Variants in PYY observed in about 807,000 individuals in gnomAD.
The protein encoded by PYY is peptide tyrosine tyrosine.
Under a neutral mutation model 10.3 loss-of-function variants are expected in PYY, and 12 were observed. The observed-to-expected ratio is 1.17, with a 90% confidence interval of 0.75 to 1.89. PYY has a LOEUF of 1.89. Ranked by LOEUF, PYY falls within the 40% of genes most tolerant of loss-of-function variation. PYY has a pLI of 0.00. For missense variants in PYY, 141 were observed against 134.0 expected (o/e 1.05, Z -0.26); for synonymous variants, 66 against 62.0 (o/e 1.06, Z -0.30).
At chr17:43,983,136 G>T (rs570264840) in intron 1 of PYY, among the ~76,000 whole-genome samples, 1 of 152,338 alleles carries the variant, frequency 6.6e-6, no homozygotes, top group Admixed American at 6.5e-5. Context: ...GGTGGCTGAG[G>T]CAGGAGAATT....
chr17:43,983,246 A>C lies in PYY; in HGVS notation c.-462-16714T>G, dbSNP rs377705954. On this transcript the variant is annotated intron_variant, in intron 1 of 6. Coordinates refer to the PYY transcript ENST00000360085. The stretch of plus-strand genomic sequence containing the variant: ...TGCTGTCTTAAAACAAACAAACAAA[A>C]AACAACAACAACAACAACAACAAAA... Among the ~76,000 whole-genome samples the C allele has an allele frequency of 2.6e-4, 40 of 152,054 alleles. 1 individual carries two copies. The highest frequency in any genetic ancestry group is 8.4e-4 in the African/African-American group (35 of 41,472).
chr17:43,953,474 C>T lies in PYY; in HGVS notation c.10G>A (p.Val4Met), dbSNP rs754534017. The part of the protein sequence containing the change: MVF[V>M]RRPWPALTTV... ...GTCAAGGCGGGCCACGGCCTGCGCA[C>T]GAACACCATCTGGGAAGGCGACATT... Residue 4 changes from valine to methionine, a missense_variant, in exon 2 of 4, where the codon GTG becomes ATG. Val to Met is a conservative substitution (Grantham distance 21). Coordinates refer to ENST00000692052, the MANE Select transcript of PYY (RefSeq NM_001394028.1). 6.3e-7 allele frequency: 1 copy of T among 1,597,194 alleles called. No homozygotes were observed. Among genetic ancestry groups the T allele is most frequent in the Non-Finnish European group, 8.5e-7 (1 of 1,170,270 alleles).
chr17:43,982,644 G>A (rs1000986499), intron 1 of PYY, among the ~76,000 whole-genome samples: 6 of 152,238 alleles, frequency 3.9e-5, no homozygotes, highest in African/African-American at 1.4e-4. Context: ...AGGAACAGTC[G>A]TGACTGGACA....
intron 1 of PYY, among the ~76,000 whole-genome samples, chr17:43,968,633 G>A (rs1380363547): frequency 6.6e-6 from 1 of 152,180 alleles, no homozygotes; most frequent in East Asian, 1.9e-4. Flanking sequence ...CCAATGTGGT[G>A]AAACTCTGTC....
chr17:44,003,077 G>A (rs548195118), intron 1 of PYY, among the ~76,000 whole-genome samples: 9 of 151,836 alleles, frequency 5.9e-5, no homozygotes, highest in South Asian at 4.1e-4. Context: ...TCATTCTGTC[G>A]CCCAGACGGG....
intron 1 of PYY, among the ~76,000 whole-genome samples, chr17:43,989,103 G>T (rs1362031548): frequency 2.0e-5 from 3 of 151,642 alleles, no homozygotes; most frequent in Non-Finnish European, 4.4e-5. Context: ...GGCTGGGCGC[G>T]GTGGCTCACG....
chr17:43,962,798 C>T lies in PYY; in HGVS notation c.-218+3490G>A, dbSNP rs143562668. ...GGGGGGCGGCACACAGCTGCTGAAA[C>T]AGCCATCACAGTAGCAGGCGAGGGC... is the stretch of plus-strand genomic sequence containing the variant. On this transcript the variant is annotated intron_variant, in intron 2 of 6. Coordinates refer to the PYY transcript ENST00000360085. 1.2e-3 allele frequency among the ~76,000 whole-genome samples: 178 copies of T among 152,322 alleles called. 1 individual carries two copies. Among genetic ancestry groups the T allele is most frequent in the African/African-American group, 4.0e-3 (165 of 41,582 alleles).
At chr17:43,961,626 C>T (rs1011763988) in intron 2 of PYY, among the ~76,000 whole-genome samples, 9 of 152,080 alleles carry the variant, frequency 5.9e-5, no homozygotes, top group African/African-American at 9.7e-5. Flanking sequence ...CTGCAACCTC[C>T]GCCTCCTGGG....
rs1276935197 is a variant in PYY at position 43,987,768 on chromosome 17, C to A, written c.-463+16623G>T. ...CTGAGCAAAACAGACATGGCATGTG[C>A]CCTCTAAGAGCTTACAGTCCAGCAG... On this transcript the variant is annotated intron_variant, in intron 1 of 6. Transcript: ENST00000360085. The surrounding 1 kb of genome is among the most constrained non-coding windows in gnomAD (Gnocchi z 4.0). 1.3e-5 allele frequency among the ~76,000 whole-genome samples: 2 copies of A among 152,226 alleles called. No individual in the cohort carries two copies. The highest frequency in any genetic ancestry group is 4.8e-5 in the African/African-American group (2 of 41,446).
intron 1 of PYY, among the ~76,000 whole-genome samples, chr17:43,979,759 G>A (rs544796901): frequency 6.6e-6 from 1 of 151,484 alleles, no homozygotes; most frequent in African/African-American, 2.4e-5. Context: ...AGAAATGGGT[G>A]TGGGGGTAGC....
rs2048640637 is a variant in PYY at position 43,952,869 on chromosome 17, G to A, written c.*87C>T. The stretch of plus-strand genomic sequence containing the variant: ...CCCTGCCCAGACGCCGCCGTCGGGA[G>A]GCAGAATCCGGGTTTCTGGGGTCGG... On this transcript the variant is annotated 3_prime_UTR_variant, in exon 4 of 4. Coordinates refer to ENST00000692052, the MANE Select transcript of PYY (RefSeq NM_001394028.1). 9 of 1,404,014 alleles carry A rather than the reference G, an allele frequency of 6.4e-6. No individual in the cohort carries two copies. The South Asian group carries it at 7.4e-5, about 12-fold the overall frequency. 87.0% of individuals were successfully genotyped at this position (1,404,014 alleles called of 1,614,324 possible).
upstream of PYY, among the ~76,000 whole-genome samples, chr17:43,957,096 G>A (rs2048677523): frequency 2.6e-5 from 4 of 151,482 alleles, no homozygotes; most frequent in South Asian, 8.3e-4. Flanking sequence ...TACTCTGGAG[G>A]CTGAAGCAGG....
chr17:43,957,890 AT>A (rs34973899), upstream of PYY: 3,097 of 154,486 alleles, frequency 0.02, 103 homozygotes, highest in African/African-American at 0.072. Flanking sequence ...GAAGTAAGGG[AT>A]TTTCACTTTT....
chr17:43,976,424 C>CATAT (rs138273262), intron 1 of PYY, among the ~76,000 whole-genome samples: 4 of 126,108 alleles, frequency 3.2e-5, no homozygotes, highest in African/African-American at 9.1e-5. Context: ...TATACATATA[C>CATAT]ATATATACAC....
intron 1 of PYY, among the ~76,000 whole-genome samples, chr17:43,980,238 A>G (rs2048874015): frequency 7.6e-6 from 1 of 130,986 alleles, no homozygotes; most frequent in Non-Finnish European, 1.5e-5. Context: ...ATCTCAGCTC[A>G]CTGCAATCTC....
chr17:43,992,479 G>A (rs962265927), intron 1 of PYY, among the ~76,000 whole-genome samples: 3 of 152,162 alleles, frequency 2.0e-5, no homozygotes, highest in Non-Finnish European at 4.4e-5. Context: ...GGGAGGCCGA[G>A]GTGGGCGGAT....
upstream of PYY, among the ~76,000 whole-genome samples, chr17:43,956,273 TC>T (rs2048671259): frequency 6.6e-6 from 1 of 151,968 alleles, no homozygotes; most frequent in Non-Finnish European, 1.5e-5. Context: ...ACCCTCTCTA[TC>T]CCTCATACCC....
chr17:43,994,906 G>A (rs1227180118), intron 1 of PYY, among the ~76,000 whole-genome samples: 1 of 152,186 alleles, frequency 6.6e-6, no homozygotes, highest in East Asian at 1.9e-4. Flanking sequence ...GCATGAGCAA[G>A]AGGGTATCAG....
rs2048728304 is a variant in PYY, at chr17:43,963,570, A to AAAAGAAAGAAAGAAAGAG, written c.-218+2717_-218+2718insCTCTTTCTTTCTTTCTTT. Among the ~76,000 whole-genome samples the AAAAGAAAGAAAGAAAGAG allele has an allele frequency of 5.7e-5, 6 of 104,676 alleles. No individual in the cohort carries two copies. The East Asian group carries it at 2.1e-3, about 37-fold the overall frequency. 68.7% of individuals were successfully genotyped at this position (104,676 alleles called of 152,430 possible). A position where few individuals can be genotyped will look rare whatever the true frequency, so the allele number is the denominator to read the frequency against. On this transcript the variant is annotated intron_variant, in intron 2 of 6. Coordinates refer to the PYY transcript ENST00000360085. ...AAGGGAAGGAAGGAAGGAAGGAAGG[A>AAAAGAAAGAAAGAAAGAG]AAAGAAAGAAAGAAAGAAAGAAAGA... is the stretch of plus-strand genomic sequence containing the variant.
Sources: gnomAD v4.1 joint callset for allele counts (sites outside exome capture counted in the v4.1 genomes callset) on GRCh38, gnomAD v4.1.1 for gene constraint, Gnocchi (gnomAD v3.1) non-coding constraint, MANE v1.5 for transcripts, NCBI Gene and HGNC (gene_info 2026-07-23, HGNC 2026-07-21) for gene names.